The following LINGO2 variants were observed in gnomAD, a reference collection of about 807,000 sequenced individuals.
The protein encoded by LINGO2 is leucine rich repeat and Ig domain containing 2, also known as leucine-rich repeat and immunoglobulin-like domain-containing nogo receptor-interacting protein 2.
In LINGO2, 14 loss-of-function variants were observed where a neutral mutation model predicts 30.6. That is an observed-to-expected ratio of 0.46 (90% CI 0.30 to 0.72). The LOEUF is 0.72. LINGO2 is among the 30% of genes least tolerant of loss of function. LINGO2 has a pLI of 0.07. For missense variants in LINGO2, 729 were observed against 751.7 expected (o/e 0.97, Z 0.35); for synonymous variants, 317 against 288.5 (o/e 1.10, Z -1.00).
intron 4 of LINGO2, among the ~76,000 whole-genome samples, chr9:28,049,448 G>A (rs1043931838): frequency 2.0e-5 from 3 of 150,314 alleles, no homozygotes; most frequent in Non-Finnish European, 4.4e-5. Flanking sequence ...TAGAGTTAGC[G>A]AGGCAAAAAG....
At chr9:28,719,055 C>A in the LINGO2 span, among the ~76,000 whole-genome samples, 1 of 151,940 alleles carries the variant, frequency 6.6e-6, no homozygotes, top group Non-Finnish European at 1.5e-5. Flanking sequence ...TTGAAACCAT[C>A]GGATGGAAAC....
chr9:28,609,992 T>C (rs1483978309), intron 1 of LINGO2, among the ~76,000 whole-genome samples: 1 of 152,086 alleles, frequency 6.6e-6, no homozygotes. Flanking sequence ...AAATGCAGAA[T>C]AACATATTAT....
intron 2 of LINGO2, among the ~76,000 whole-genome samples, chr9:28,373,714 A>G (rs1820993834): frequency 6.6e-6 from 1 of 152,252 alleles, no homozygotes; most frequent in South Asian, 2.1e-4. Context: ...AGCCTGGCCA[A>G]CATGGCGAAA....
intron 1 of LINGO2, among the ~76,000 whole-genome samples, chr9:28,541,815 A>G (rs1009952768): frequency 1.3e-5 from 2 of 152,184 alleles, no homozygotes; most frequent in African/African-American, 4.8e-5. Context: ...AATCAGTTTC[A>G]GAGCTGAATC....
At chr9:27,968,159 A>C (rs954612291) in intron 5 of LINGO2, among the ~76,000 whole-genome samples, 4 of 152,146 alleles carry the variant, frequency 2.6e-5, no homozygotes, top group Non-Finnish European at 4.4e-5. Context: ...ATGCAATACT[A>C]TTCTAAAACA....
At chr9:28,658,884 G>A (rs1003552071) in intron 1 of LINGO2, among the ~76,000 whole-genome samples, 1 of 151,930 alleles carries the variant, frequency 6.6e-6, no homozygotes, top group South Asian at 2.1e-4. Context: ...TAGTTTAAGG[G>A]AAATCATATG....
chr9:28,709,111 T>G, the LINGO2 span, among the ~76,000 whole-genome samples: 37 of 152,144 alleles, frequency 2.4e-4, no homozygotes, highest in Non-Finnish European at 2.8e-4. Context: ...ACCTTGTTCC[T>G]GTTCTTTTTA....
chr9:29,034,694 C>A, the LINGO2 span, among the ~76,000 whole-genome samples: 10 of 152,244 alleles, frequency 6.6e-5, no homozygotes, highest in East Asian at 1.9e-3. Flanking sequence ...TCATTATAAT[C>A]ATTAAAATAA....
chr9:28,919,978 T>G, the LINGO2 span, among the ~76,000 whole-genome samples: 3 of 152,156 alleles, frequency 2.0e-5, no homozygotes, highest in Admixed American at 2.0e-4. Context: ...GTAAAAATAC[T>G]ACGACATCAC....
At chr9:27,979,008 T>C (rs189067177) in intron 5 of LINGO2, among the ~76,000 whole-genome samples, 3 of 152,166 alleles carry the variant, frequency 2.0e-5, no homozygotes, top group Non-Finnish European at 4.4e-5. Context: ...AAGCCACTTA[T>C]TTAAGGTCAT....
chr9:28,921,333 C>T, the LINGO2 span, among the ~76,000 whole-genome samples: 1,932 of 150,478 alleles, frequency 0.013, 25 homozygotes, highest in Non-Finnish European at 0.021. Flanking sequence ...ATCACATAGT[C>T]CCACATACCT....
chr9:28,326,591 T>G (rs1477070356), intron 3 of LINGO2, among the ~76,000 whole-genome samples: 1 of 152,222 alleles, frequency 6.6e-6, no homozygotes, highest in African/African-American at 2.4e-5. Context: ...GATGGTATGT[T>G]CCATGAGATT....
rs1820212514 is a variant in LINGO2, at chr9:28,201,040, C to T, written c.-87+94168G>A. On this transcript the variant is annotated intron_variant, in intron 4 of 5. Transcript: ENST00000379992. ...ATTGCCTCCTTAATTCAAAATCATA[C>T]TGCTCTCCTTGAGACTTGATTTCTT... 1.3e-5 allele frequency among the ~76,000 whole-genome samples: 2 copies of T among 151,000 alleles called. 1 individual carries two copies. The highest frequency in any genetic ancestry group is 3.0e-5 in the Non-Finnish European group (2 of 67,792).
the LINGO2 span, among the ~76,000 whole-genome samples, chr9:28,743,847 A>T: frequency 6.6e-6 from 1 of 151,832 alleles, no homozygotes; most frequent in Non-Finnish European, 1.5e-5. Context: ...GATACATAGA[A>T]TAAGATTTTT....
chr9:28,651,995 G>A (rs1439920792), intron 1 of LINGO2, among the ~76,000 whole-genome samples: 2 of 152,118 alleles, frequency 1.3e-5, no homozygotes, highest in Non-Finnish European at 2.9e-5. Context: ...ACACAAGTAC[G>A]TAGCCCTCAA....
chr9:28,830,776 G>C, the LINGO2 span, among the ~76,000 whole-genome samples: 2 of 149,672 alleles, frequency 1.3e-5, no homozygotes, highest in Admixed American at 6.6e-5. Context: ...ACACACACGT[G>C]TACATGCTCA....
At chr9:28,630,517 G>C (rs972436522) in intron 1 of LINGO2, among the ~76,000 whole-genome samples, 2 of 151,954 alleles carry the variant, frequency 1.3e-5, no homozygotes, top group Non-Finnish European at 2.9e-5. Context: ...GAAAATGACA[G>C]ACATGATACA....
At chr9:28,863,608 C>CTCGGTG in the LINGO2 span, 1 of 527,484 alleles carries the variant, frequency 1.9e-6, no homozygotes, top group Non-Finnish European at 3.9e-6. Flanking sequence ...TGGTGTAGAT[C>CTCGGTG]AACTGCAGAA....
At chr9:29,045,544 T>C in the LINGO2 span, among the ~76,000 whole-genome samples, 1 of 151,298 alleles carries the variant, frequency 6.6e-6, no homozygotes, top group African/African-American at 2.4e-5. Flanking sequence ...CAATAGATGC[T>C]GAAAAAGGAT....
Sources: gnomAD v4.1 joint callset for allele counts (sites outside exome capture counted in the v4.1 genomes callset) on GRCh38, gnomAD v4.1.1 for gene constraint, MANE v1.5 for transcripts, NCBI Gene and HGNC (gene_info 2026-07-23, HGNC 2026-07-21) for gene names.